The following FNDC1 variants were observed in gnomAD, a reference collection of about 807,000 sequenced individuals.
The protein encoded by FNDC1 is fibronectin type III domain containing 1.
Under a neutral mutation model 168.0 loss-of-function variants are expected in FNDC1, and 96 were observed. The ratio of observed to expected loss-of-function variants is 0.57; its 90% CI spans 0.48 to 0.68. The LOEUF (loss-of-function observed/expected upper bound fraction) is 0.68. Ranked by LOEUF, FNDC1 falls within the 30% of genes least tolerant of loss-of-function variation. FNDC1 has a pLI of 0.00. For missense variants in FNDC1, 2,587 were observed against 2,482.1 expected (o/e 1.04, Z -0.90); for synonymous variants, 1,099 against 1,025.9 (o/e 1.07, Z -1.36).
In FNDC1 at chr6:159,233,566, AC is replaced by A; in HGVS notation, c.3058del (p.Gln1020ArgfsTer16). ...PVATSQHHPG[P>X]QSRDAGRSPS... ...TCGCCACGTCCCAGCACCACCCGGG[AC>A]CCCAGAGCAGAGACGCGGGTCGGTC... On this transcript the variant is annotated frameshift_variant, in exon 11 of 23. Transcript: ENST00000297267. LOFTEE classifies it high-confidence loss of function. The surrounding 1 kb of genome is among the most constrained non-coding windows in gnomAD (Gnocchi z 4.6). 6.3e-7 allele frequency: 1 copy of A among 1,589,910 alleles called. No individual in the cohort carries two copies. Among genetic ancestry groups the A allele is most frequent in the Non-Finnish European group, 8.5e-7 (1 of 1,171,982 alleles).
chr6:159,202,979 G>A (rs1327685441), intron 4 of FNDC1, among the ~76,000 whole-genome samples: 1 of 152,194 alleles, frequency 6.6e-6, no homozygotes, highest in Non-Finnish European at 1.5e-5. Flanking sequence ...TGGCAGGTTT[G>A]ATTTCTCCTG....
Position 159,232,786 on chromosome 6 carries a change from A to C in FNDC1, c.2274A>C (p.Pro758=). Residue 758 remains proline (P), a synonymous_variant, in exon 11 of 23, where the codon CCA becomes CCC. Transcript: ENST00000297267. This position sits in a 1 kb window ranked among gnomAD's most constrained non-coding sequence, Gnocchi z 4.9. ...CCCCAGCCACCAACTCCAATGCGCC[A>C]TCACGGTCCACCATGTCCTCCTCCG... ...EDAPATNSNA[P]SRSTMSSSVS... 1 of 1,613,938 alleles carries C rather than the reference A, an allele frequency of 6.2e-7. No homozygotes were observed. Among genetic ancestry groups the C allele is most frequent in the African/African-American group, 1.3e-5 (1 of 75,062 alleles).
At chr6:159,226,447 A>G (rs1311118546) in intron 8 of FNDC1, 26 bp from the exon 9 acceptor site, 2 of 1,576,242 alleles carry the variant, frequency 1.3e-6, no homozygotes, top group Non-Finnish European at 1.7e-6. Context: ...GCATTTAAAA[A>G]TGTTTCTTTC....
At chr6:159,206,633 A>C (rs903113376) in intron 4 of FNDC1, among the ~76,000 whole-genome samples, 6 of 152,156 alleles carry the variant, frequency 3.9e-5, no homozygotes, top group African/African-American at 1.4e-4. Context: ...ACCTCTGTCT[A>C]GTTCAATGTT....
chr6:159,223,545 G>A lies in FNDC1; in HGVS notation c.784G>A (p.Val262Ile). 1.2e-6 allele frequency: 2 copies of A among 1,612,808 alleles called. No homozygotes were observed. Among genetic ancestry groups the A allele is most frequent in the Non-Finnish European group, 1.7e-6 (2 of 1,179,108 alleles). Residue 262 changes from valine to isoleucine, a missense_variant, in exon 7 of 23, where the codon GTA becomes ATA. Physicochemically the swap from Val to Ile is conservative, Grantham distance 29. Transcript: ENST00000297267. Reference protein sequence around the residue: ...RKISEEDELDVPDDISVRVMS... With the variant: ...RKISEEDELDIPDDISVRVMS... ...CATTTCAGAAGAGGACGAATTGGATGTACCTGACGACATCAGCGTCCGGGT... is the reference window on the plus strand; with the variant it reads ...CATTTCAGAAGAGGACGAATTGGATATACCTGACGACATCAGCGTCCGGGT...
chr6:159,242,610 A>C (rs1312797858), intron 14 of FNDC1, among the ~76,000 whole-genome samples: 1 of 152,228 alleles, frequency 6.6e-6, no homozygotes, highest in African/African-American at 2.4e-5. Context: ...ATATATTTAC[A>C]GTTGTGCAAT....
At chr6:159,230,838 G>A (rs886945646) in intron 10 of FNDC1, among the ~76,000 whole-genome samples, 9 of 152,072 alleles carry the variant, frequency 5.9e-5, no homozygotes, top group East Asian at 1.9e-4. Context: ...TTGCCCCTCC[G>A]GCACTCTCAC....
chr6:159,259,068 AAC>A (rs1777428698), intron 18 of FNDC1, among the ~76,000 whole-genome samples: 1 of 152,226 alleles, frequency 6.6e-6, no homozygotes, highest in Non-Finnish European at 1.5e-5. Context: ...CCATACTTAA[AAC>A]ACACAGACTT....
chr6:159,233,665 C>A lies in FNDC1; in HGVS notation c.3153C>A (p.Ser1051=), dbSNP rs372992835. The A allele has an allele frequency of 4.1e-5, 63 of 1,550,960 alleles. No individual in the cohort carries two copies. The African/African-American group carries it at 8.1e-4, about 20-fold the overall frequency. Residue 1051 remains serine (S), a synonymous_variant, in exon 11 of 23, where the codon TCC becomes TCA. Transcript: ENST00000297267. This position sits in a 1 kb window ranked among gnomAD's most constrained non-coding sequence, Gnocchi z 4.6. ...PRPTSQGRSH[S]SSDPYTASSR... is the part of the protein sequence containing the mutation. ...CCACGTCGCAGGGCCGCTCCCACTC[C>A]TCCTCGGACCCTTACACGGCGAGCT...
intron 1 of FNDC1, among the ~76,000 whole-genome samples, chr6:159,192,032 G>A (rs549775885): frequency 1.3e-5 from 2 of 152,080 alleles, no homozygotes; most frequent in South Asian, 2.1e-4. Context: ...ACCATGTCTA[G>A]CTAATTTTTT....
intron 1 of FNDC1, among the ~76,000 whole-genome samples, chr6:159,182,847 G>A (rs1781911594): frequency 6.6e-6 from 1 of 152,238 alleles, no homozygotes; most frequent in African/African-American, 2.4e-5. Flanking sequence ...TAGGCAGATG[G>A]AAGAGGAGAA....
At position 159,188,081 on chromosome 6, in the gene FNDC1, A is replaced by C. The variant is rs578109231; in HGVS notation, c.110-9350A>C. ...AAGTATTTGGCGGTTTCCAATGGAA[A>C]GTAAAACTTGAACTTCAAACAAAGA... On this transcript the variant is annotated intron_variant, in intron 1 of 22. Coordinates refer to ENST00000297267, the MANE Select transcript of FNDC1 (RefSeq NM_032532.3). 2.8e-3 allele frequency among the ~76,000 whole-genome samples: 422 copies of C among 152,354 alleles called. 2 individuals are homozygous for C. Among genetic ancestry groups the C allele is most frequent in the Non-Finnish European group, 4.9e-3 (333 of 68,022 alleles).
chr6:159,261,579 T>C (rs1320326242), intron 19 of FNDC1, among the ~76,000 whole-genome samples: 1 of 152,204 alleles, frequency 6.6e-6, no homozygotes, highest in Non-Finnish European at 1.5e-5. Flanking sequence ...TTGCAGAGTT[T>C]TAAAAAAATT....
At chr6:159,258,088 T>G (rs1369938278) in intron 18 of FNDC1, among the ~76,000 whole-genome samples, 1 of 152,088 alleles carries the variant, frequency 6.6e-6, no homozygotes, top group Non-Finnish European at 1.5e-5. Context: ...GCCAGACTGA[T>G]GTTGAGTTTT....
At position 159,202,464 on chromosome 6, in the gene FNDC1, C is replaced by G. The variant is rs149214867; in HGVS notation, c.460+1883C>G. Among the ~76,000 whole-genome samples, 1,317 of 152,212 alleles carry G rather than the reference C, an allele frequency of 8.7e-3. 22 individuals are homozygous for G. Among genetic ancestry groups the G allele is most frequent in the African/African-American group, 0.03 (1,266 of 41,522 alleles). ...CAAACAAAAGAAGTATTCAGAATTC[C>G]CTGTCTTCATTCAAAGAGGAATTTG... On this transcript the variant is annotated intron_variant, in intron 4 of 22. Coordinates refer to ENST00000297267, the MANE Select transcript of FNDC1 (RefSeq NM_032532.3).
chr6:159,203,398 GGGA>G (rs1203181369), intron 4 of FNDC1, among the ~76,000 whole-genome samples: 1 of 152,158 alleles, frequency 6.6e-6, no homozygotes, highest in African/African-American at 2.4e-5. Flanking sequence ...AAGCCATGTG[GGGA>G]GGAGGAGGAG....
At chr6:159,265,938 A>T (rs1777583169) in intron 20 of FNDC1, 146 bp from the exon 21 acceptor site, 4 of 887,296 alleles carry the variant, frequency 4.5e-6, no homozygotes, top group Non-Finnish European at 6.6e-6. Context: ...AAACAAACAA[A>T]CAAACAACAA....
intron 19 of FNDC1, among the ~76,000 whole-genome samples, chr6:159,263,635 G>A (rs526520): frequency 2.0e-5 from 3 of 151,990 alleles, no homozygotes; most frequent in East Asian, 1.9e-4. Context: ...GGTGGCGGGC[G>A]CCTGTAGTCC....
intron 22 of FNDC1, among the ~76,000 whole-genome samples, chr6:159,270,957 C>T (rs1205885128): frequency 4.2e-4 from 64 of 152,172 alleles, no homozygotes; most frequent in Admixed American, 4.0e-3. Flanking sequence ...GGGGACTGGA[C>T]GATCTCTACA....
Sources: gnomAD v4.1 joint callset for allele counts (sites outside exome capture counted in the v4.1 genomes callset) on GRCh38, gnomAD v4.1.1 for gene constraint, Gnocchi (gnomAD v3.1) non-coding constraint, MANE v1.5 for transcripts, NCBI Gene and HGNC (gene_info 2026-07-23, HGNC 2026-07-21) for gene names.